Variants in DYM observed in about 807,000 individuals in gnomAD.
DYM encodes the protein dymeclin, also known as dyggve-Melchior-Clausen syndrome protein.
In DYM, 78 loss-of-function variants were observed where a neutral mutation model predicts 93.1. The observed-to-expected ratio is 0.84, with a 90% CI of 0.70 to 1.01. The LOEUF is 1.01. DYM is among the 50% of genes least tolerant of loss of function. DYM has a pLI of 0.00. For synonymous variants in DYM, 321 were observed against 319.7 expected, an observed-to-expected ratio of 1.00 and a Z score of -0.04; for missense variants, 789 against 845.0, an observed-to-expected ratio of 0.93 and a Z score of 0.82.
chr18:49,145,226 A>T (rs532206144), intron 15 of DYM, among the ~76,000 whole-genome samples: 1 of 148,988 alleles, frequency 6.7e-6, no homozygotes, highest in Non-Finnish European at 1.5e-5. Flanking sequence ...TTAAACTCAC[A>T]TTACACCCGT....
At chr18:49,154,919 T>C (rs1260218680) in intron 15 of DYM, among the ~76,000 whole-genome samples, 1 of 152,228 alleles carries the variant, frequency 6.6e-6, no homozygotes, top group South Asian at 2.1e-4. Flanking sequence ...TAATGCATAA[T>C]TTTCAAGCAT....
chr18:49,399,937 T>TC (rs1568379479), intron 2 of DYM, among the ~76,000 whole-genome samples: 2 of 99,710 alleles, frequency 2.0e-5, no homozygotes, highest in Admixed American at 9.3e-5. Context: ...TATTTTTCTT[T>TC]TTTTTTTTTT....
At chr18:49,254,557 A>G (rs537369463) in intron 13 of DYM, among the ~76,000 whole-genome samples, 3 of 152,016 alleles carry the variant, frequency 2.0e-5, no homozygotes, top group African/African-American at 7.3e-5. Flanking sequence ...TATTTCTTCA[A>G]ATATGATTGG....
intron 8 of DYM, chr18:49,321,304 T>C: frequency 2.5e-6 from 1 of 398,160 alleles, no homozygotes; most frequent in East Asian, 3.6e-5. Context: ...TCTATATTCC[T>C]CCTTGTAAAT....
chr18:49,157,221 G>C (rs1248082145), intron 15 of DYM, among the ~76,000 whole-genome samples: 3 of 152,126 alleles, frequency 2.0e-5, no homozygotes, highest in African/African-American at 7.2e-5. Context: ...GTTAGTGACT[G>C]CTGGCTGTTG....
At chr18:49,150,076 T>C (rs370430263) in intron 15 of DYM, among the ~76,000 whole-genome samples, 2 of 152,252 alleles carry the variant, frequency 1.3e-5, no homozygotes, top group Admixed American at 6.5e-5. Context: ...CTGGAGAATG[T>C]TTATAACTTA....
chr18:49,331,971 A>T lies in DYM; in HGVS notation c.656T>A (p.Leu219Ter). Residue 219 changes from leucine (L) to a stop codon, truncating the protein, a stop_gained, in exon 8 of 18, where the codon TTA (leucine) becomes TAA (stop). Coordinates refer to ENST00000675505, the MANE Select transcript of DYM (RefSeq NM_001353214.3). LOFTEE classifies it high-confidence loss of function. Reference sequence around the variant, plus strand: ...CTTTTCTTGTCTGATAAAGTTATATAATAAGGTCTTCACAAGTTTGCTGGT... The same window carrying T: ...CTTTTCTTGTCTGATAAAGTTATATTATAAGGTCTTCACAAGTTTGCTGGT... ...PYTSKLVKTL[L>*]YNFIRQEKPP... The T allele has an allele frequency of 6.2e-7, 1 of 1,614,110 alleles. No individual in the cohort carries two copies.
chr18:49,301,504 G>A (rs1568206518), intron 8 of DYM, among the ~76,000 whole-genome samples: 1 of 144,604 alleles, frequency 6.9e-6, no homozygotes, highest in Non-Finnish European at 1.5e-5. Context: ...CTGGGTGACA[G>A]AGTGAGACTC....
At chr18:49,202,567 C>A (rs1208408428) in intron 14 of DYM, among the ~76,000 whole-genome samples, 1 of 130,492 alleles carries the variant, frequency 7.7e-6, no homozygotes, top group Non-Finnish European at 1.6e-5. Context: ...TTCCCAGCCG[C>A]CATCACATCT....
intron 14 of DYM, among the ~76,000 whole-genome samples, chr18:49,206,753 T>C (rs1448460147): frequency 1.3e-5 from 2 of 152,158 alleles, no homozygotes; most frequent in East Asian, 1.9e-4. Flanking sequence ...TTCTTCTCTG[T>C]TGTTCAGAAA....
At chr18:49,262,192 G>T (rs1232305928) in intron 11 of DYM, among the ~76,000 whole-genome samples, 1 of 152,164 alleles carries the variant, frequency 6.6e-6, no homozygotes. Context: ...AGAAGGATGT[G>T]ATGACAGTAG....
intron 8 of DYM, among the ~76,000 whole-genome samples, chr18:49,313,493 A>AG (rs2061734567): frequency 6.4e-5 from 9 of 141,116 alleles, no homozygotes; most frequent in African/African-American, 2.6e-4. Flanking sequence ...AAAAAAAAAA[A>AG]AAAAGGGCTG....
chr18:49,259,953 CTAAT>C (rs1384129786), intron 11 of DYM, among the ~76,000 whole-genome samples: 2 of 151,686 alleles, frequency 1.3e-5, no homozygotes, highest in African/African-American at 4.8e-5. Flanking sequence ...AAACAGACCT[CTAAT>C]TAAAGAGAGA....
chr18:49,458,101 T>A (rs1384292743), intron 1 of DYM, among the ~76,000 whole-genome samples: 1 of 152,196 alleles, frequency 6.6e-6, no homozygotes, highest in East Asian at 1.9e-4. Flanking sequence ...TGGTAACATG[T>A]TACAGCAATC....
At position 49,257,246 on chromosome 18, in the gene DYM, C is replaced by T. The variant is rs977629838; in HGVS notation, c.1366-142G>A. 17 of 704,688 alleles carry T rather than the reference C, an allele frequency of 2.4e-5. No individual in the cohort carries two copies. In the African/African-American group the frequency reaches 3.0e-4, roughly 13 times the overall value. The allele number at this position is 704,688 out of a possible 1,614,324, so 43.7% of individuals were successfully genotyped here. On this transcript the variant is annotated intron_variant, in intron 12 of 17. Coordinates refer to ENST00000675505, the MANE Select transcript of DYM (RefSeq NM_001353214.3). ...GATCCACTATCTCTTTTTTCTAATT[C>T]CTAAATCCATAAAGCACTGAAAATT...
chr18:49,263,887 G>A (rs1412847270), intron 11 of DYM, among the ~76,000 whole-genome samples: 1 of 152,102 alleles, frequency 6.6e-6, no homozygotes, highest in Non-Finnish European at 1.5e-5. Context: ...TACATTTCAG[G>A]TGTGAGCATA....
chr18:49,163,472 A>G (rs925812870), intron 15 of DYM, among the ~76,000 whole-genome samples: 1 of 151,990 alleles, frequency 6.6e-6, no homozygotes, highest in Non-Finnish European at 1.5e-5. Context: ...CGGCCTCCCA[A>G]ATAGCTGGGA....
chr18:49,380,523 G>C (rs112640395), intron 3 of DYM, among the ~76,000 whole-genome samples: 1,745 of 152,298 alleles, frequency 0.011, 32 homozygotes, highest in African/African-American at 0.04. Context: ...AGTATCACTT[G>C]CATTTCACCG....
At chr18:49,360,134 C>T (rs2065892951) in intron 6 of DYM, among the ~76,000 whole-genome samples, 1 of 152,044 alleles carries the variant, frequency 6.6e-6, no homozygotes, top group Admixed American at 6.6e-5. Flanking sequence ...ACAACACAAT[C>T]GGCTTGCTCC....
Sources: gnomAD v4.1 joint callset for allele counts (sites outside exome capture counted in the v4.1 genomes callset) on GRCh38, gnomAD v4.1.1 for gene constraint, MANE v1.5 for transcripts, NCBI Gene and HGNC (gene_info 2026-07-23, HGNC 2026-07-21) for gene names.